POLD3: variants seen among roughly 807,000 people sequenced by gnomAD.
POLD3 encodes DNA polymerase delta subunit 3.
POLD3 carries 19 observed loss-of-function variants against 58.2 expected under a neutral mutation model. The ratio of observed to expected loss-of-function variants is 0.33; its 90% CI spans 0.23 to 0.48. The LOEUF (loss-of-function observed/expected upper bound fraction) is 0.48, where lower values mean the gene tolerates loss of function less well. POLD3 is among the 20% of genes least tolerant of loss of function. The pLI is 0.99. For synonymous variants in POLD3, 172 were observed against 193.5 expected (o/e 0.89, Z 0.92); for missense variants, 504 against 545.5 (o/e 0.92, Z 0.76).
chr11:74,628,113 T>C (rs982182626), intron 8 of POLD3, among the ~76,000 whole-genome samples: 2 of 152,124 alleles, frequency 1.3e-5, no homozygotes, highest in Non-Finnish European at 2.9e-5. Context: ...CAGTCAAAAT[T>C]TGATCTAAAT....
chr11:74,611,230 T>A (rs2031900623), intron 3 of POLD3, among the ~76,000 whole-genome samples: 1 of 152,264 alleles, frequency 6.6e-6, no homozygotes, highest in Non-Finnish European at 1.5e-5. Flanking sequence ...TTTGAGATGC[T>A]GTATTTTTTT....
intron 11 of POLD3, among the ~76,000 whole-genome samples, chr11:74,640,212 T>C (rs1446705154): frequency 6.6e-6 from 1 of 152,134 alleles, no homozygotes; most frequent in Non-Finnish European, 1.5e-5. Flanking sequence ...GTTTAAGATA[T>C]AGACAATTCG....
Position 74,642,934 on chromosome 11 carries a change from T to C in POLD3, c.*2168T>C. On this transcript the variant is annotated 3_prime_UTR_variant, in exon 12 of 12. Coordinates refer to ENST00000263681, the MANE Select transcript of POLD3 (RefSeq NM_006591.3). ...GTTAGTTTCAGCCAACCTCATTTTT[T>C]AGTTCATCTAGAAGAAAATCTAGCA... The C allele has an allele frequency of 2.0e-6, 2 of 985,372 alleles. No individual in the cohort carries two copies. Among genetic ancestry groups the C allele is most frequent in the South Asian group, 4.7e-5 (1 of 21,290 alleles). 61.0% of individuals were successfully genotyped at this position (985,372 alleles called of 1,614,324 possible).
At position 74,641,257 on chromosome 11, in the gene POLD3, G is replaced by A; in HGVS notation, c.*491G>A. 1 of 985,516 alleles carries A rather than the reference G, an allele frequency of 1.0e-6. No individual in the cohort carries two copies. The highest frequency in any genetic ancestry group is 1.2e-6 in the Non-Finnish European group (1 of 830,038). 61.0% of individuals were successfully genotyped at this position (985,516 alleles called of 1,614,324 possible). A position where few individuals can be genotyped will look rare whatever the true frequency, so the allele number is the denominator to read the frequency against. ...ACACTTCTGTCCCCTAACCTCCTGAGGCTGTTCTCTGTAAGTCTTTTAAGT... is the reference window on the plus strand; with the variant it reads ...ACACTTCTGTCCCCTAACCTCCTGAAGCTGTTCTCTGTAAGTCTTTTAAGT... On this transcript the variant is annotated 3_prime_UTR_variant, in exon 12 of 12. Transcript: ENST00000263681.
chr11:74,627,137 G>C (rs2032454343), intron 8 of POLD3, among the ~76,000 whole-genome samples: 2 of 152,126 alleles, frequency 1.3e-5, no homozygotes, highest in African/African-American at 2.4e-5. Flanking sequence ...TATCATAAGA[G>C]ATGACAGCTT....
intron 7 of POLD3, among the ~76,000 whole-genome samples, chr11:74,623,940 A>G (rs2032346749): frequency 1.3e-5 from 2 of 152,284 alleles, no homozygotes; most frequent in South Asian, 4.1e-4. Flanking sequence ...GACAGAAGAA[A>G]CTCTGGATGC....
At chr11:74,618,114 T>G (rs1355880301) in intron 5 of POLD3, among the ~76,000 whole-genome samples, 2 of 152,184 alleles carry the variant, frequency 1.3e-5, no homozygotes, top group African/African-American at 4.8e-5. Context: ...AATCTAGCCC[T>G]ATCAGAGGAA....
chr11:74,604,844 G>A (rs749001887), intron 3 of POLD3, 50 bp downstream of exon 3: 2 of 1,004,682 alleles, frequency 2.0e-6, no homozygotes, highest in Admixed American at 3.5e-5. Flanking sequence ...GTGTTATGAA[G>A]AGTGTTATAA....
At chr11:74,668,784 G>A (rs763505855) in exon 5 of POLD3, 199 of 1,288,246 alleles carry the variant, frequency 1.5e-4, no homozygotes, top group Non-Finnish European at 1.9e-4. Context: ...CAGTGGTGCT[G>A]GACATGCAGT....
At chr11:74,594,933 T>C (rs1045025643) in intron 2 of POLD3, among the ~76,000 whole-genome samples, 14 of 152,170 alleles carry the variant, frequency 9.2e-5, no homozygotes, top group African/African-American at 2.4e-4. Context: ...GTCTTTGACA[T>C]GTGGGGATTA....
intron 4 of POLD3, among the ~76,000 whole-genome samples, chr11:74,649,750 G>A (rs182663141): frequency 2.0e-5 from 3 of 152,282 alleles, no homozygotes; most frequent in Admixed American, 2.0e-4. Flanking sequence ...GTTCATGCCT[G>A]TAATCCCAGC....
rs76978040 is a variant in POLD3 at position 74,638,017 on chromosome 11, T to C, written c.1198+1742T>C. Among the ~76,000 whole-genome samples, 937 of 152,212 alleles carry C rather than the reference T, an allele frequency of 6.2e-3. 4 individuals are homozygous for C. The highest frequency in any genetic ancestry group is 0.014 in the Middle Eastern group (4 of 294). On this transcript the variant is annotated intron_variant, in intron 11 of 11. Transcript: ENST00000263681. ...TCTCTTTGTGACTTTGCAGCAGAAA[T>C]TGGGTAGTTGGGCCCCTGAGATAAG...
At chr11:74,601,754 C>T (rs781132315) in intron 2 of POLD3, among the ~76,000 whole-genome samples, 2 of 152,094 alleles carry the variant, frequency 1.3e-5, no homozygotes, top group Non-Finnish European at 2.9e-5. Flanking sequence ...TGCACTTCAG[C>T]CTGGGCGACA....
chr11:74,600,595 A>C (rs970375457), intron 2 of POLD3, among the ~76,000 whole-genome samples: 8 of 151,774 alleles, frequency 5.3e-5, no homozygotes, highest in African/African-American at 1.9e-4. Flanking sequence ...AGATCGCGCC[A>C]CTGCACTCCA....
chr11:74,596,612 T>C (rs2031269067), intron 2 of POLD3, among the ~76,000 whole-genome samples: 1 of 152,230 alleles, frequency 6.6e-6, no homozygotes, highest in African/African-American at 2.4e-5. Context: ...ACAGTTATTT[T>C]GGTGGTGAAA....
At position 74,641,036 on chromosome 11, in the gene POLD3, C is replaced by T; in HGVS notation, c.*270C>T. The T allele has an allele frequency of 9.1e-7, 1 of 1,097,776 alleles. No homozygotes were observed. The highest frequency in any genetic ancestry group is 1.1e-6 in the Non-Finnish European group (1 of 903,322). The allele number at this position is 1,097,776 out of a possible 1,614,324, so 68.0% of individuals were successfully genotyped here. A position where few individuals can be genotyped will look rare whatever the true frequency, so the allele number is the denominator to read the frequency against. On this transcript the variant is annotated 3_prime_UTR_variant, in exon 12 of 12. Transcript: ENST00000263681. ...GAGAAGGATTTACTCCAAAATTATA[C>T]TGGAACAGTTTTCAGAATTCTCACT...
At chr11:74,607,248 T>TATATATATATATATA (rs1565114139) in intron 3 of POLD3, among the ~76,000 whole-genome samples, 4 of 95,972 alleles carry the variant, frequency 4.2e-5, no homozygotes, top group Non-Finnish European at 5.8e-5. Flanking sequence ...TATTATATAT[T>TATATATATATATATA]TATTTATTTA....
chr11:74,643,105 C>T (rs919171938), downstream of POLD3: 3 of 192,690 alleles, frequency 1.6e-5, no homozygotes, highest in African/African-American at 7.1e-5. Flanking sequence ...GAATTCGGTC[C>T]ATGTTGGCGG....
At chr11:74,621,452 C>G (rs1220180923) in intron 7 of POLD3, among the ~76,000 whole-genome samples, 1 of 150,086 alleles carries the variant, frequency 6.7e-6, no homozygotes, top group African/African-American at 2.4e-5. Context: ...AATTGTCTTC[C>G]ATGAAACTGG....
Sources: gnomAD v4.1 joint callset for allele counts (sites outside exome capture counted in the v4.1 genomes callset) on GRCh38, gnomAD v4.1.1 for gene constraint, MANE v1.5 for transcripts, NCBI Gene and HGNC (gene_info 2026-07-23, HGNC 2026-07-21) for gene names.